CNPY4: variants seen among roughly 807,000 people sequenced by gnomAD.
CNPY4 encodes the protein canopy FGF signaling regulator 4, also known as protein canopy homolog 4.
Under a neutral mutation model 30.1 loss-of-function variants are expected in CNPY4, and 33 were observed. The ratio of observed to expected loss-of-function variants is 1.10; its 90% CI spans 0.83 to 1.46. The LOEUF is 1.46. CNPY4 is among the 40% of genes most tolerant of loss of function. The pLI is 0.00. For synonymous variants in CNPY4, 109 were observed against 110.1 expected (o/e 0.99, Z 0.06); for missense variants, 324 against 302.6 (o/e 1.07, Z -0.52).
At chr7:100,121,706 C>A (rs1046501460) in intron 1 of CNPY4, among the ~76,000 whole-genome samples, 1 of 151,694 alleles carries the variant, frequency 6.6e-6, no homozygotes. Context: ...TCCCAAAGTG[C>A]TGGGATTACA....
chr7:100,120,160 C>T (rs1797988874), intron 1 of CNPY4: 1 of 284,486 alleles, frequency 3.5e-6, no homozygotes, highest in South Asian at 5.1e-5. Flanking sequence ...TTTAGAGCAT[C>T]TTCAGTGAGT....
Position 100,124,774 on chromosome 7 carries a change from G to C in CNPY4, c.633G>C (p.Glu211Asp), listed in dbSNP as rs1798168518. The C allele has an allele frequency of 1.9e-6, 3 of 1,613,886 alleles. No individual in the cohort carries two copies. The highest frequency in any genetic ancestry group is 1.7e-6 in the Non-Finnish European group (2 of 1,179,964). Residue 211 changes from glutamate (E) to aspartate (D), a missense_variant, in exon 6 of 6, where the codon GAG becomes GAC. Physicochemically the swap from Glu to Asp is conservative, Grantham distance 45. Transcript: ENST00000262932. ...GAAAGGAGATCACAGATGGGGAAGA[G>C]AAAACAGAAGGGGAGGAAGAGCAGG... is the stretch of plus-strand genomic sequence containing the variant. ...WTGKEITDGE[E>D]KTEGEEEQEE...
intron 1 of CNPY4, chr7:100,121,112 A>ATTTTTTTTTTTTTTTTTTT (rs1798040006): frequency 3.3e-5 from 1 of 30,718 alleles, no homozygotes; most frequent in Non-Finnish European, 5.8e-5. Flanking sequence ...ATATATATAT[A>ATTTTTTTTTTTTTTTTTTT]TATATTTTTT....
Sources: gnomAD v4.1 joint callset for allele counts (sites outside exome capture counted in the v4.1 genomes callset) on GRCh38, gnomAD v4.1.1 for gene constraint, MANE v1.5 for transcripts, NCBI Gene and HGNC (gene_info 2026-07-23, HGNC 2026-07-21) for gene names.